Variants in DSTN observed in about 807,000 individuals in gnomAD.
DSTN encodes the protein destrin, actin depolymerizing factor.
Under a neutral mutation model 16.8 loss-of-function variants are expected in DSTN, and 10 were observed. That is an observed-to-expected ratio of 0.60 (90% CI 0.37 to 1.01). DSTN has a LOEUF of 1.01. Among genes scored for constraint, DSTN ranks in the 50% least tolerant of loss-of-function variants. DSTN has a pLI of 0.01. For missense variants in DSTN, 141 were observed against 196.7 expected, an observed-to-expected ratio of 0.72 and a Z score of 1.69; for synonymous variants, 57 against 58.9, an observed-to-expected ratio of 0.97 and a Z score of 0.14.
rs185880490 is a variant in DSTN at position 17,584,222 on chromosome 20, A to G, written c.3+14011A>G. The stretch of plus-strand genomic sequence containing the variant: ...TTGTTTAATAATATCATGCATGTAC[A>G]TCACCCTCATGTTAAATTTATTTTT... On this transcript the variant is annotated intron_variant, in intron 1 of 3. Coordinates refer to ENST00000246069, the MANE Select transcript of DSTN (RefSeq NM_006870.4). Among the ~76,000 whole-genome samples, 4 of 152,300 alleles carry G rather than the reference A, an allele frequency of 2.6e-5. 1 individual carries two copies. Among genetic ancestry groups the G allele is most frequent in the Admixed American group, 2.6e-4 (4 of 15,304 alleles).
intron 1 of DSTN, among the ~76,000 whole-genome samples, chr20:17,582,123 G>T: frequency 6.9e-6 from 1 of 143,968 alleles, no homozygotes; most frequent in African/African-American, 2.7e-5. Context: ...CTGTTGCCCA[G>T]GCTGGAGTGC....
intron 1 of DSTN, chr20:17,576,391 A>G: frequency 6.2e-6 from 1 of 160,334 alleles, no homozygotes. Flanking sequence ...TAGCTTTGAG[A>G]GGGATGCACA....
chr20:17,585,683 A>T (rs1249782556), intron 1 of DSTN, among the ~76,000 whole-genome samples: 1 of 152,220 alleles, frequency 6.6e-6, no homozygotes, highest in Non-Finnish European at 1.5e-5. Flanking sequence ...ATACACATAT[A>T]TAGTTGTGTA....
chr20:17,570,302 C>G, intron 1 of DSTN, 91 bp downstream of exon 1: 4 of 1,370,444 alleles, frequency 2.9e-6, no homozygotes, highest in Non-Finnish European at 3.8e-6. Flanking sequence ...GGGGGTGAGC[C>G]GTGCCTCAGC....
At chr20:17,579,371 T>C (rs995987692) in intron 1 of DSTN, among the ~76,000 whole-genome samples, 2 of 152,082 alleles carry the variant, frequency 1.3e-5, no homozygotes, top group Non-Finnish European at 2.9e-5. Context: ...GCTTACGAGT[T>C]CGAGACCGGC....
At chr20:17,602,596 A>C (rs993184900) in intron 2 of DSTN, among the ~76,000 whole-genome samples, 10 of 152,196 alleles carry the variant, frequency 6.6e-5, no homozygotes, top group Non-Finnish European at 1.3e-4. Context: ...AAAAGGTAGA[A>C]CCTTATTAAA....
intron 1 of DSTN, among the ~76,000 whole-genome samples, chr20:17,582,987 A>G (rs570935767): frequency 6.6e-6 from 1 of 152,362 alleles, no homozygotes; most frequent in African/African-American, 2.4e-5. Context: ...TGTGTAGAAT[A>G]TATTAAAGGA....
intron 1 of DSTN, among the ~76,000 whole-genome samples, chr20:17,576,025 T>C (rs186393403): frequency 6.6e-6 from 1 of 152,338 alleles, no homozygotes; most frequent in Admixed American, 6.5e-5. Context: ...TACCTCCTGC[T>C]CATTTTTCTT....
At chr20:17,582,459 G>T (rs1459206338) in intron 1 of DSTN, among the ~76,000 whole-genome samples, 1 of 152,154 alleles carries the variant, frequency 6.6e-6, no homozygotes, top group Non-Finnish European at 1.5e-5. Flanking sequence ...TACGTATTAT[G>T]ATGAAAATAA....
chr20:17,580,606 G>T (rs1210709667), intron 1 of DSTN, among the ~76,000 whole-genome samples: 1 of 152,154 alleles, frequency 6.6e-6, no homozygotes, highest in Non-Finnish European at 1.5e-5. Flanking sequence ...AATTATCCAG[G>T]TGTGATGGCA....
intron 1 of DSTN, among the ~76,000 whole-genome samples, chr20:17,575,660 A>G: frequency 6.6e-6 from 1 of 152,086 alleles, no homozygotes; most frequent in Non-Finnish European, 1.5e-5. Context: ...CTTTACATAT[A>G]TAAAGATGGG....
intron 1 of DSTN, among the ~76,000 whole-genome samples, chr20:17,578,036 T>G (rs1242319435): frequency 6.6e-6 from 1 of 152,244 alleles, no homozygotes; most frequent in East Asian, 1.9e-4. Context: ...GCCACTTTAT[T>G]GGACCAACCT....
Position 17,570,142 on chromosome 20 carries a change from A to G in DSTN, c.-67A>G. ...GTCTCTCGGTCCCGCAGCCGTGAGG[A>G]GGACGGTCTGCATACTCGCTGCCCG... On this transcript the variant is annotated 5_prime_UTR_variant, in exon 1 of 4. Transcript: ENST00000246069. 6.6e-7 allele frequency: 1 copy of G among 1,512,222 alleles called. No individual in the cohort carries two copies. The highest frequency in any genetic ancestry group is 1.2e-5 in the South Asian group (1 of 82,504). 93.7% of individuals were successfully genotyped at this position (1,512,222 alleles called of 1,614,324 possible). A position where few individuals can be genotyped will look rare whatever the true frequency, so the allele number is the denominator to read the frequency against.
At chr20:17,606,108 C>CAA (rs112532016) in intron 3 of DSTN, among the ~76,000 whole-genome samples, 2,682 of 134,574 alleles carry the variant, frequency 0.02, 92 homozygotes, top group African/African-American at 0.069. Flanking sequence ...AACTCTGTCT[C>CAA]AAAAAAAAAA....
Position 17,600,731 on chromosome 20 carries a change from A to G in DSTN, c.4-7A>G. 6.4e-7 allele frequency: 1 copy of G among 1,563,822 alleles called. No homozygotes were observed. Among genetic ancestry groups the G allele is most frequent in the Non-Finnish European group, 8.6e-7 (1 of 1,157,290 alleles). The stretch of plus-strand genomic sequence containing the variant: ...AAGTCTTTTTCTCATGTATTTTCTC[A>G]TCATAGGCCTCAGGAGTGCAAGTAG... On this transcript the variant is annotated splice_polypyrimidine_tract_variant and splice_region_variant and intron_variant, in intron 1 of 3. Transcript: ENST00000246069.
At chr20:17,581,002 G>A (rs1383037662) in intron 1 of DSTN, among the ~76,000 whole-genome samples, 2 of 152,160 alleles carry the variant, frequency 1.3e-5, no homozygotes, top group African/African-American at 2.4e-5. Flanking sequence ...TAGATTATAG[G>A]CAAGAACTAG....
chr20:17,573,896 T>TAA (rs11476341), intron 1 of DSTN, among the ~76,000 whole-genome samples: 283 of 137,208 alleles, frequency 2.1e-3, no homozygotes, highest in African/African-American at 6.8e-3. Flanking sequence ...AATGTAGCAG[T>TAA]AAAAAAAAAA....
chr20:17,602,806 C>G (rs907281252), intron 2 of DSTN, among the ~76,000 whole-genome samples: 3 of 152,130 alleles, frequency 2.0e-5, no homozygotes, highest in Non-Finnish European at 1.5e-5. Flanking sequence ...GTGGGCAGAT[C>G]ACGAGGTCAA....
At chr20:17,581,520 A>G (rs987537971) in intron 1 of DSTN, among the ~76,000 whole-genome samples, 6 of 152,178 alleles carry the variant, frequency 3.9e-5, no homozygotes, top group African/African-American at 1.4e-4. Flanking sequence ...CTATTGCTTT[A>G]TTCAGATGGT....
Sources: allele counts gnomAD v4.1 joint callset (sites outside exome capture counted in the v4.1 genomes callset), GRCh38; gene constraint gnomAD v4.1.1; transcripts MANE v1.5; gene names NCBI Gene and HGNC (gene_info 2026-07-23, HGNC 2026-07-21).